KCNIP4: variants seen among roughly 807,000 people sequenced by gnomAD.
KCNIP4 encodes potassium voltage-gated channel interacting protein 4, also known as Kv channel-interacting protein 4.
KCNIP4 carries 12 observed loss-of-function variants against 34.0 expected under a neutral mutation model. That is an observed-to-expected ratio of 0.35 (90% CI 0.23 to 0.57). The LOEUF (loss-of-function observed/expected upper bound fraction) is 0.57, where lower values mean the gene tolerates loss of function less well. KCNIP4 is among the 20% of genes least tolerant of loss of function. The probability of loss-of-function intolerance (pLI) is 0.83; values close to 1 mark genes in which losing one functional copy is unlikely to be tolerated. For synonymous variants in KCNIP4, 124 were observed against 102.2 expected (o/e 1.21, Z -1.29); for missense variants, 238 against 311.7 (o/e 0.76, Z 1.78).
intron 1 of KCNIP4, among the ~76,000 whole-genome samples, chr4:21,279,061 G>T (rs1303225143): frequency 6.6e-6 from 1 of 152,164 alleles, no homozygotes; most frequent in Admixed American, 6.6e-5. Flanking sequence ...GGTAATACCT[G>T]AAATGGAAAA....
intron 6 of KCNIP4, among the ~76,000 whole-genome samples, chr4:20,733,589 C>A (rs1001178433): frequency 1.1e-4 from 17 of 152,016 alleles, no homozygotes; most frequent in Admixed American, 1.1e-3. Flanking sequence ...AGATAAGTAG[C>A]AAGTAGTTTG....
chr4:21,336,778 GA>G (rs939412913), intron 1 of KCNIP4, among the ~76,000 whole-genome samples: 1 of 152,022 alleles, frequency 6.6e-6, no homozygotes, highest in Non-Finnish European at 1.5e-5. Flanking sequence ...GGATGGACAG[GA>G]AAAATTTTCA....
intron 3 of KCNIP4, among the ~76,000 whole-genome samples, chr4:20,835,575 C>A (rs956595568): frequency 1.3e-5 from 2 of 152,106 alleles, no homozygotes; most frequent in African/African-American, 2.4e-5. Flanking sequence ...ATTTTTCTTA[C>A]AATTGTTAGT....
chr4:21,074,699 T>C (rs1745315157), intron 1 of KCNIP4, among the ~76,000 whole-genome samples: 1 of 152,176 alleles, frequency 6.6e-6, no homozygotes, highest in Non-Finnish European at 1.5e-5. Context: ...GTGTTTGCTC[T>C]TGCTTCCCTA....
chr4:20,795,053 T>C (rs58215871), intron 3 of KCNIP4, among the ~76,000 whole-genome samples: 5 of 152,186 alleles, frequency 3.3e-5, no homozygotes, highest in Non-Finnish European at 7.3e-5. Flanking sequence ...TTTAACCGGG[T>C]TGAACTTTAA....
At chr4:21,777,969 A>G (rs1261392350) in intron 1 of KCNIP4, among the ~76,000 whole-genome samples, 1 of 152,052 alleles carries the variant, frequency 6.6e-6, no homozygotes, top group African/African-American at 2.4e-5. Context: ...TTGACTATAA[A>G]CTCATTTAGG....
At chr4:21,927,493 A>G (rs550827628) in intron 1 of KCNIP4, among the ~76,000 whole-genome samples, 2 of 152,286 alleles carry the variant, frequency 1.3e-5, no homozygotes, top group African/African-American at 4.8e-5. Context: ...CCCTCAAGAC[A>G]TAGCAGAGGA....
chr4:21,944,993 C>T (rs1730424734), intron 1 of KCNIP4, among the ~76,000 whole-genome samples: 1 of 152,112 alleles, frequency 6.6e-6, no homozygotes, highest in Non-Finnish European at 1.5e-5. Flanking sequence ...CCCCTCCCTG[C>T]CTCACACGTT....
chr4:21,447,768 T>A (rs1728157631), intron 1 of KCNIP4, among the ~76,000 whole-genome samples: 1 of 152,108 alleles, frequency 6.6e-6, no homozygotes, highest in Non-Finnish European at 1.5e-5. Flanking sequence ...TCACCCTTTT[T>A]TTCTTGTGAT....
intron 1 of KCNIP4, among the ~76,000 whole-genome samples, chr4:21,100,063 A>G (rs1410235263): frequency 6.6e-6 from 1 of 152,212 alleles, no homozygotes; most frequent in Non-Finnish European, 1.5e-5. Flanking sequence ...TGCAGCAAAC[A>G]TTGTTGAAGT....
At chr4:21,525,058 C>T (rs1735859420) in intron 1 of KCNIP4, among the ~76,000 whole-genome samples, 1 of 152,050 alleles carries the variant, frequency 6.6e-6, no homozygotes, top group African/African-American at 2.4e-5. Context: ...GGGGAATTTC[C>T]ATGCTTTATT....
At chr4:21,937,345 C>T (rs1258941910) in intron 1 of KCNIP4, among the ~76,000 whole-genome samples, 1 of 152,032 alleles carries the variant, frequency 6.6e-6, no homozygotes, top group African/African-American at 2.4e-5. Context: ...CATCTTTCTC[C>T]CCCACAACAG....
chr4:20,869,534 G>T (rs1295813776), intron 2 of KCNIP4, among the ~76,000 whole-genome samples: 1 of 152,016 alleles, frequency 6.6e-6, no homozygotes, highest in East Asian at 1.9e-4. Context: ...GCAGAACAGT[G>T]CCTGGGAGTG....
chr4:21,443,406 G>A (rs1727663529), intron 1 of KCNIP4, among the ~76,000 whole-genome samples: 1 of 152,124 alleles, frequency 6.6e-6, no homozygotes, highest in Non-Finnish European at 1.5e-5. Context: ...TTAATTCTAT[G>A]TTTCAACATA....
At chr4:20,957,202 A>T (rs1733402475) in intron 1 of KCNIP4, among the ~76,000 whole-genome samples, 1 of 152,202 alleles carries the variant, frequency 6.6e-6, no homozygotes, top group South Asian at 2.1e-4. Context: ...CTTTCTTCAG[A>T]TTCCACATTC....
intron 1 of KCNIP4, among the ~76,000 whole-genome samples, chr4:21,258,392 A>C (rs73802521): frequency 0.02 from 2,990 of 152,248 alleles, 84 homozygotes; most frequent in African/African-American, 0.064. Context: ...TTACTTTATC[A>C]TGTATGTACG....
intron 1 of KCNIP4, among the ~76,000 whole-genome samples, chr4:21,825,276 GA>G (rs914273030): frequency 1.2e-3 from 171 of 147,440 alleles, no homozygotes; most frequent in Middle Eastern, 3.5e-3. Context: ...AAATAAACAT[GA>G]AAAAAAAAAC....
intron 1 of KCNIP4, among the ~76,000 whole-genome samples, chr4:21,730,990 T>C (rs2109111305): frequency 6.6e-6 from 1 of 152,110 alleles, no homozygotes; most frequent in South Asian, 2.1e-4. Context: ...GGTACACTCC[T>C]GTAGTCCCAG....
intron 1 of KCNIP4, among the ~76,000 whole-genome samples, chr4:21,797,653 T>A (rs531758700): frequency 1.3e-5 from 2 of 152,306 alleles, no homozygotes; most frequent in South Asian, 4.1e-4. Flanking sequence ...TGTATTTTGT[T>A]TCACTTTTTT....
Sources: allele counts gnomAD v4.1 joint callset (sites outside exome capture counted in the v4.1 genomes callset), GRCh38; gene constraint gnomAD v4.1.1; transcripts MANE v1.5; gene names NCBI Gene and HGNC (gene_info 2026-07-23, HGNC 2026-07-21).